Variants in ROCK2 observed in about 807,000 individuals in gnomAD.
ROCK2 encodes Rho associated coiled-coil containing protein kinase 2.
ROCK2 carries 61 observed loss-of-function variants against 195.1 expected under a neutral mutation model. The ratio of observed to expected loss-of-function variants is 0.31; its 90% confidence interval spans 0.25 to 0.39. ROCK2 has a LOEUF of 0.39. Among genes scored for constraint, ROCK2 ranks in the 10% least tolerant of loss-of-function variants. The pLI is 1.00. For synonymous variants in ROCK2, 504 were observed against 545.5 expected, an observed-to-expected ratio of 0.92 and a Z score of 1.06; for missense variants, 1,109 against 1,637.4, an observed-to-expected ratio of 0.68 and a Z score of 5.57.
chr2:11,284,536 CTG>C (rs1258651168), intron 3 of ROCK2, among the ~76,000 whole-genome samples: 1 of 152,064 alleles, frequency 6.6e-6, no homozygotes. Context: ...CTCGATTTTA[CTG>C]TGAACCTAAA....
At chr2:11,241,953 T>C (rs1167740500) in intron 4 of ROCK2, among the ~76,000 whole-genome samples, 1 of 152,140 alleles carries the variant, frequency 6.6e-6, no homozygotes, top group African/African-American at 2.4e-5. Flanking sequence ...CCATCATAAA[T>C]GGGTTTACTG....
intron 20 of ROCK2, among the ~76,000 whole-genome samples, 153 bp from the exon 21 acceptor site, chr2:11,202,274 G>GT (rs918476157): frequency 1.2e-4 from 18 of 151,830 alleles, no homozygotes; most frequent in Admixed American, 2.0e-4. Context: ...GAGCACCATG[G>GT]TTTTTTTTAA....
chr2:11,334,821 C>G (rs1668874945), intron 1 of ROCK2, among the ~76,000 whole-genome samples: 1 of 150,592 alleles, frequency 6.6e-6, no homozygotes, highest in South Asian at 2.1e-4. Flanking sequence ...AGAAATTGTT[C>G]CAAGTCTATA....
chr2:11,184,293 T>C (rs1663111144), intron 32 of ROCK2, among the ~76,000 whole-genome samples: 1 of 152,168 alleles, frequency 6.6e-6, no homozygotes, highest in South Asian at 2.1e-4. Flanking sequence ...GAGAAAGGAA[T>C]CTCATGCTAT....
chr2:11,183,285 G>C lies in ROCK2; in HGVS notation c.*152C>G. On this transcript the variant is annotated 3_prime_UTR_variant, in exon 33 of 33. Coordinates refer to ENST00000315872, the MANE Select transcript of ROCK2 (RefSeq NM_004850.5). The stretch of plus-strand genomic sequence containing the variant: ...GCCCAGATTTGTAATTTATATTACA[G>C]GGAAAAGGGGAACACATATATGTAT... 1.8e-6 allele frequency: 1 copy of C among 541,226 alleles called. No individual in the cohort carries two copies. Among genetic ancestry groups the C allele is most frequent in the Non-Finnish European group, 3.2e-6 (1 of 307,758 alleles). The allele number at this position is 541,226 out of a possible 1,614,324, so 33.5% of individuals were successfully genotyped here.
chr2:11,344,846 G>T (rs1010966561), upstream of ROCK2, among the ~76,000 whole-genome samples: 4 of 150,778 alleles, frequency 2.7e-5, no homozygotes, highest in African/African-American at 9.7e-5. The surrounding 1 kb of genome is among the most constrained non-coding windows in gnomAD (Gnocchi z 5.4). Context: ...GGTTCTCTGA[G>T]GCGAATAGCC....
At chr2:11,308,275 AT>A (rs1667925549) in intron 1 of ROCK2, 5 of 1,163,636 alleles carry the variant, frequency 4.3e-6, no homozygotes, top group Non-Finnish European at 5.2e-6. Context: ...CTCAAGAAGA[AT>A]TTAAATTGGA....
intron 1 of ROCK2, among the ~76,000 whole-genome samples, chr2:11,304,967 T>G (rs182765987): frequency 6.6e-6 from 1 of 152,180 alleles, no homozygotes; most frequent in Non-Finnish European, 1.5e-5. Context: ...AGGCTCATAC[T>G]AATGATAGAA....
intron 1 of ROCK2, among the ~76,000 whole-genome samples, chr2:11,293,526 T>G (rs542993103): frequency 6.6e-6 from 1 of 152,336 alleles, no homozygotes; most frequent in African/African-American, 2.4e-5. Flanking sequence ...TGACTTTTCC[T>G]TGAGCCTCAG....
chr2:11,309,467 C>T (rs1667965850), intron 1 of ROCK2, among the ~76,000 whole-genome samples: 1 of 152,172 alleles, frequency 6.6e-6, no homozygotes, highest in Admixed American at 6.5e-5. Flanking sequence ...GACTCCCACC[C>T]ATCTTACAAC....
At chr2:11,268,152 C>T (rs1666485835) in intron 3 of ROCK2, among the ~76,000 whole-genome samples, 1 of 152,010 alleles carries the variant, frequency 6.6e-6, no homozygotes, top group Non-Finnish European at 1.5e-5. Flanking sequence ...GCCATGGCTA[C>T]AAGATCCAAG....
At chr2:11,275,027 C>T (rs990846602) in intron 3 of ROCK2, among the ~76,000 whole-genome samples, 1 of 151,674 alleles carries the variant, frequency 6.6e-6, no homozygotes, top group Non-Finnish European at 1.5e-5. Flanking sequence ...GAGGCCAAGG[C>T]GGGCAGATCC....
intron 1 of ROCK2, among the ~76,000 whole-genome samples, chr2:11,319,532 C>T (rs1397407219): frequency 6.6e-6 from 1 of 152,180 alleles, no homozygotes; most frequent in African/African-American, 2.4e-5. Flanking sequence ...GATAAACAAT[C>T]ATGTCATCTG....
At chr2:11,329,087 CA>C (rs1220252385) in intron 1 of ROCK2, among the ~76,000 whole-genome samples, 2 of 92,706 alleles carry the variant, frequency 2.2e-5, no homozygotes, top group Admixed American at 1.4e-4. Context: ...TTTAAAAATG[CA>C]AAAAAAAGAA....
At chr2:11,228,087 T>C (rs1373958719) in intron 5 of ROCK2, among the ~76,000 whole-genome samples, 1 of 152,126 alleles carries the variant, frequency 6.6e-6, no homozygotes, top group African/African-American at 2.4e-5. Context: ...AAAATAACCA[T>C]TATAGGGGTG....
intron 1 of ROCK2, among the ~76,000 whole-genome samples, chr2:11,330,388 ATAACTC>A (rs1668680351): frequency 6.6e-6 from 1 of 152,218 alleles, no homozygotes; most frequent in Non-Finnish European, 1.5e-5. Context: ...CCCACAAACT[ATAACTC>A]TAAAACAACA....
At chr2:11,323,997 T>C (rs1040420210) in intron 1 of ROCK2, among the ~76,000 whole-genome samples, 1 of 152,202 alleles carries the variant, frequency 6.6e-6, no homozygotes, top group Admixed American at 6.5e-5. Flanking sequence ...CCTCCACCTA[T>C]TCATCTCTCC....
At chr2:11,222,228 T>A in intron 7 of ROCK2, 54 bp from the exon 8 acceptor site, 1 of 1,001,656 alleles carries the variant, frequency 1.0e-6, no homozygotes, top group Non-Finnish European at 1.5e-6. Flanking sequence ...ATAAAAAGAT[T>A]AACTCTATGT....
intron 32 of ROCK2, 28 bp from the exon 33 acceptor site, chr2:11,183,468 T>C (rs1434125459): frequency 1.3e-6 from 2 of 1,535,948 alleles, no homozygotes; most frequent in Non-Finnish European, 1.8e-6. Flanking sequence ...ATAAAGTTAG[T>C]TGATACAGTG....
Sources: allele counts gnomAD v4.1 joint callset (sites outside exome capture counted in the v4.1 genomes callset), GRCh38; gene constraint gnomAD v4.1.1; non-coding constraint Gnocchi (gnomAD v3.1); transcripts MANE v1.5; gene names NCBI Gene and HGNC (gene_info 2026-07-23, HGNC 2026-07-21).